ERC2: variants seen among roughly 807,000 people sequenced by gnomAD.
ERC2 encodes the protein ELKS/RAB6-interacting/CAST family member 2, also known as ERC protein 2.
Under a neutral mutation model 114.8 loss-of-function variants are expected in ERC2, and 42 were observed. The ratio of observed to expected loss-of-function variants is 0.37; its 90% CI spans 0.29 to 0.47. ERC2 has a LOEUF of 0.47. Among genes scored for constraint, ERC2 ranks in the 20% least tolerant of loss-of-function variants. The pLI is 0.99. For missense variants in ERC2, 939 were observed against 1,150.7 expected (o/e 0.82, Z 2.66); for synonymous variants, 454 against 425.5 (o/e 1.07, Z -0.82).
At chr3:56,250,260 A>T (rs2052051851) in intron 3 of ERC2, among the ~76,000 whole-genome samples, 2 of 152,250 alleles carry the variant, frequency 1.3e-5, no homozygotes, top group East Asian at 3.8e-4. Context: ...ACTAAAAACT[A>T]GGGCCCATGC....
chr3:55,828,930 G>A (rs1394886719), intron 14 of ERC2, among the ~76,000 whole-genome samples: 1 of 152,118 alleles, frequency 6.6e-6, no homozygotes, highest in African/African-American at 2.4e-5. Flanking sequence ...CTTGAGCCAA[G>A]AATTCCAGAC....
chr3:55,759,587 AC>A (rs1017470663), intron 14 of ERC2, among the ~76,000 whole-genome samples: 2 of 151,828 alleles, frequency 1.3e-5, no homozygotes, highest in African/African-American at 4.8e-5. Flanking sequence ...AAAAAATGTA[AC>A]ATTAAAATTC....
At chr3:55,655,407 T>C (rs1368630897) in intron 17 of ERC2, among the ~76,000 whole-genome samples, 1 of 152,196 alleles carries the variant, frequency 6.6e-6, no homozygotes, top group Non-Finnish European at 1.5e-5. Context: ...AGCCCCAAGA[T>C]TGTTTCCTGC....
At chr3:55,516,819 C>T (rs1030409340) in intron 17 of ERC2, among the ~76,000 whole-genome samples, 2 of 152,204 alleles carry the variant, frequency 1.3e-5, no homozygotes, top group African/African-American at 4.8e-5. Flanking sequence ...CCATTTGTTG[C>T]GTGCTATCTG....
chr3:55,759,353 T>C (rs1192275000), intron 14 of ERC2, among the ~76,000 whole-genome samples: 1 of 151,454 alleles, frequency 6.6e-6, no homozygotes, highest in Non-Finnish European at 1.5e-5. Flanking sequence ...CTTAAATCAC[T>C]CGGGTTTCAC....
intron 14 of ERC2, among the ~76,000 whole-genome samples, chr3:55,885,184 A>G (rs1013493609): frequency 6.6e-6 from 1 of 152,240 alleles, no homozygotes; most frequent in African/African-American, 2.4e-5. Flanking sequence ...ATGAAAAACC[A>G]ACAATGCTTG....
At chr3:56,412,403 G>A (rs1227505294) in intron 2 of ERC2, among the ~76,000 whole-genome samples, 1 of 152,210 alleles carries the variant, frequency 6.6e-6, no homozygotes, top group Admixed American at 6.5e-5. Flanking sequence ...AATGAGTCAT[G>A]GATCAAAATC....
intron 2 of ERC2, among the ~76,000 whole-genome samples, chr3:56,404,973 A>C (rs1244879709): frequency 2.6e-5 from 4 of 152,178 alleles, no homozygotes; most frequent in African/African-American, 9.7e-5. Flanking sequence ...ATAGGACTTC[A>C]ACATGTGGGT....
intron 17 of ERC2, among the ~76,000 whole-genome samples, chr3:55,530,633 A>G (rs1287509052): frequency 6.6e-6 from 1 of 152,224 alleles, no homozygotes; most frequent in Admixed American, 6.5e-5. Context: ...CAGCTCAGGA[A>G]CAAGTATCTC....
At chr3:55,687,373 C>T (rs992010058) in intron 16 of ERC2, among the ~76,000 whole-genome samples, 11 of 38,638 alleles carry the variant, frequency 2.8e-4, no homozygotes, top group Non-Finnish European at 6.2e-4. Flanking sequence ...GAGGCCACCA[C>T]CGGATTTTTT....
chr3:56,255,275 A>G (rs2052440150), intron 3 of ERC2, among the ~76,000 whole-genome samples: 1 of 152,212 alleles, frequency 6.6e-6, no homozygotes, highest in South Asian at 2.1e-4. Context: ...GGCCTCTGGC[A>G]TCAACTACTT....
chr3:55,569,283 T>TA (rs899201907), intron 17 of ERC2, among the ~76,000 whole-genome samples: 10 of 152,012 alleles, frequency 6.6e-5, no homozygotes, highest in Admixed American at 4.6e-4. Flanking sequence ...AAGAAAGGAT[T>TA]AAAAAAAACT....
At chr3:55,567,694 A>C (rs2056460366) in intron 17 of ERC2, among the ~76,000 whole-genome samples, 1 of 152,092 alleles carries the variant, frequency 6.6e-6, no homozygotes, top group South Asian at 2.1e-4. Context: ...GGAGGACTGC[A>C]TCTGGAGTGA....
intron 17 of ERC2, among the ~76,000 whole-genome samples, chr3:55,627,682 T>C (rs757255020): frequency 1.3e-5 from 2 of 152,070 alleles, no homozygotes; most frequent in Non-Finnish European, 2.9e-5. Context: ...GAGAACCTTT[T>C]AGTTTAACTC....
chr3:56,334,588 T>A (rs2150469186), intron 2 of ERC2, among the ~76,000 whole-genome samples: 1 of 152,250 alleles, frequency 6.6e-6, no homozygotes, highest in East Asian at 1.9e-4. Flanking sequence ...CATTAAGAAA[T>A]ATTGCATAGG....
At chr3:56,312,912 C>T (rs906163225) in intron 2 of ERC2, among the ~76,000 whole-genome samples, 104 of 147,852 alleles carry the variant, frequency 7.0e-4, no homozygotes, top group African/African-American at 2.4e-3. Flanking sequence ...AGGCCTGTAT[C>T]TTTTTCTTTC....
chr3:56,278,268 T>C (rs1286436943), intron 3 of ERC2, among the ~76,000 whole-genome samples: 2 of 152,184 alleles, frequency 1.3e-5, no homozygotes, highest in Admixed American at 6.5e-5. Flanking sequence ...TGTGTTCCAA[T>C]CCCCTGAGAG....
chr3:55,651,610 C>T (rs2060626170), intron 17 of ERC2, among the ~76,000 whole-genome samples: 2 of 152,118 alleles, frequency 1.3e-5, no homozygotes, highest in Non-Finnish European at 2.9e-5. Flanking sequence ...TGAAGACTGC[C>T]CCACCCAGCC....
At chr3:55,910,234 T>C (rs2064718214) in intron 13 of ERC2, among the ~76,000 whole-genome samples, 3 of 150,966 alleles carry the variant, frequency 2.0e-5, no homozygotes, top group African/African-American at 2.4e-5. Context: ...TGCTAAAAAA[T>C]ACAAAAAAAA....
Sources: allele counts gnomAD v4.1 joint callset (sites outside exome capture counted in the v4.1 genomes callset), GRCh38; gene constraint gnomAD v4.1.1; transcripts MANE v1.5; gene names NCBI Gene and HGNC (gene_info 2026-07-23, HGNC 2026-07-21).